The following SIRPA variants were observed in gnomAD, a reference collection of about 807,000 sequenced individuals.
SIRPA encodes the protein signal regulatory protein alpha.
In SIRPA, 9 loss-of-function variants were observed where a neutral mutation model predicts 50.3. That is an observed-to-expected ratio of 0.18 (90% CI 0.11 to 0.31). SIRPA has a LOEUF of 0.31. Ranked by LOEUF, SIRPA falls within the 10% of genes least tolerant of loss-of-function variation. SIRPA has a pLI of 1.00. For synonymous variants in SIRPA, 265 were observed against 284.1 expected, an observed-to-expected ratio of 0.93 and a Z score of 0.68; for missense variants, 474 against 661.6, an observed-to-expected ratio of 0.72 and a Z score of 3.11.
intron 1 of SIRPA, among the ~76,000 whole-genome samples, chr20:1,900,112 T>C (rs1298897376): frequency 6.6e-6 from 1 of 150,982 alleles, no homozygotes; most frequent in Non-Finnish European, 1.5e-5. Context: ...TCTTTTTTTT[T>C]TTTTTGAGAT....
chr20:1,910,254 ACT>A (rs759628969), intron 1 of SIRPA, among the ~76,000 whole-genome samples: 6 of 152,198 alleles, frequency 3.9e-5, no homozygotes, highest in Non-Finnish European at 8.8e-5. Flanking sequence ...TGCTGTGGAC[ACT>A]GAGTTCCTCT....
chr20:1,916,959 T>C (rs1336143593), intron 2 of SIRPA, among the ~76,000 whole-genome samples: 2 of 152,216 alleles, frequency 1.3e-5, no homozygotes, highest in Admixed American at 6.5e-5. Context: ...GAGGGTGGCT[T>C]TATCCTGATT....
chr20:1,900,336 G>A (rs980874775), intron 1 of SIRPA, among the ~76,000 whole-genome samples: 1 of 152,098 alleles, frequency 6.6e-6, no homozygotes, highest in Non-Finnish European at 1.5e-5. Flanking sequence ...CTGACCCCAG[G>A]TGATCCACCT....
chr20:1,903,461 C>T (rs1198413102), intron 1 of SIRPA, among the ~76,000 whole-genome samples: 1 of 152,210 alleles, frequency 6.6e-6, no homozygotes, highest in Non-Finnish European at 1.5e-5. Context: ...CCCATTGCTG[C>T]TTTCCGCAGC....
intron 6 of SIRPA, among the ~76,000 whole-genome samples, chr20:1,931,343 A>G (rs2122173100): frequency 6.6e-6 from 1 of 152,304 alleles, no homozygotes; most frequent in South Asian, 2.1e-4. Context: ...GACATTCCCG[A>G]GGTCCTGCGG....
intron 4 of SIRPA, among the ~76,000 whole-genome samples, chr20:1,923,688 C>T (rs1236337844): frequency 6.8e-6 from 1 of 146,234 alleles, no homozygotes; most frequent in Non-Finnish European, 1.5e-5. Context: ...TGGGCAATGC[C>T]AGGTTTTCAT....
chr20:1,914,986 T>C, intron 1 of SIRPA, 113 bp from the exon 2 acceptor site: 1 of 906,298 alleles, frequency 1.1e-6, no homozygotes, highest in Non-Finnish European at 1.7e-6. Flanking sequence ...TATACTGATC[T>C]CACAGCCTGC....
Position 1,927,861 on chromosome 20 carries a change from C to T in SIRPA, c.1202-14C>T, listed in dbSNP as rs764873469. On this transcript the variant is annotated splice_polypyrimidine_tract_variant and intron_variant, in intron 5 of 7. Transcript: ENST00000358771. This position sits in a 1 kb window ranked among gnomAD's most constrained non-coding sequence, Gnocchi z 6.5. ...CTAGTTAAACAACTGGCTTTTGTTT[C>T]TTTTGTCTTTCAGCCCAGGGCTCCA... is the stretch of plus-strand genomic sequence containing the variant. 2 of 1,613,744 alleles carry T rather than the reference C, an allele frequency of 1.2e-6. No individual in the cohort carries two copies. Among genetic ancestry groups the T allele is most frequent in the South Asian group, 1.1e-5 (1 of 91,074 alleles).
chr20:1,909,531 C>T (rs1157511245), intron 1 of SIRPA, among the ~76,000 whole-genome samples: 1 of 152,244 alleles, frequency 6.6e-6, no homozygotes, highest in African/African-American at 2.4e-5. Context: ...CCTGTAATCC[C>T]AGCACTTTGG....
At position 1,898,868 on chromosome 20, in the gene SIRPA, G is replaced by T. The variant is rs920571032; in HGVS notation, c.79+3342G>T. ...GTAACAACACATGAGAGGTGATGTG[G>T]CTCCTGTGAGAGCCCCCCATCTGGG... is the stretch of plus-strand genomic sequence containing the variant. On this transcript the variant is annotated intron_variant, in intron 1 of 7. Transcript: ENST00000358771. The surrounding 1 kb of genome is among the most constrained non-coding windows in gnomAD (Gnocchi z 4.3). Among the ~76,000 whole-genome samples, 5 of 152,104 alleles carry T rather than the reference G, an allele frequency of 3.3e-5. No individual in the cohort carries two copies. Among genetic ancestry groups the T allele is most frequent in the African/African-American group, 4.8e-5 (2 of 41,434 alleles).
intron 2 of SIRPA, 82 bp from the exon 3 acceptor site, chr20:1,921,313 A>G (rs561226156): frequency 7.2e-5 from 115 of 1,603,846 alleles, no homozygotes; most frequent in Non-Finnish European, 7.6e-5. Flanking sequence ...AATGTCTCAG[A>G]AGGTTCTTAA....
Position 1,921,519 on chromosome 20 carries a change from T to C in SIRPA, c.561T>C (p.Asn187=). 1 of 1,613,992 alleles carries C rather than the reference T, an allele frequency of 6.2e-7. No individual in the cohort carries two copies. The highest frequency in any genetic ancestry group is 8.5e-7 in the Non-Finnish European group (1 of 1,179,972). ...PRDITLKWFK[N]GNELSDFQTN... is the part of the protein sequence containing the mutation. ...ACATCACCCTGAAATGGTTCAAAAATGGGAATGAGCTCTCAGACTTCCAGA... is the reference window on the plus strand; with the variant it reads ...ACATCACCCTGAAATGGTTCAAAAACGGGAATGAGCTCTCAGACTTCCAGA... The change falls in exon 3 of 8, where the codon AAT becomes AAC. Residue 187 remains asparagine (N), a synonymous_variant. Coordinates refer to ENST00000358771, the MANE Select transcript of SIRPA (RefSeq NM_001040023.2).
intron 2 of SIRPA, among the ~76,000 whole-genome samples, chr20:1,920,434 G>A (rs887730369): frequency 7.9e-5 from 12 of 152,196 alleles, no homozygotes; most frequent in African/African-American, 2.4e-4. Context: ...TTGGAGACAC[G>A]TTTACGACCC....
intron 1 of SIRPA, among the ~76,000 whole-genome samples, chr20:1,911,217 T>C (rs1984868719): frequency 6.6e-6 from 1 of 152,250 alleles, no homozygotes; most frequent in South Asian, 2.1e-4. Context: ...TTTTCAATTT[T>C]TTATTTTCAT....
chr20:1,915,310 A>G lies in SIRPA; in HGVS notation c.291A>G (p.Thr97=). The G allele has an allele frequency of 6.2e-7, 1 of 1,613,556 alleles. No homozygotes were observed. Among genetic ancestry groups the G allele is most frequent in the Non-Finnish European group, 8.5e-7 (1 of 1,179,760 alleles). Residue 97 remains threonine, a synonymous_variant, in exon 2 of 8, where the codon ACA becomes ACG. Transcript: ENST00000358771. The stretch of plus-strand genomic sequence containing the variant: ...GGGTAACAACTGTTTCAGACCTCAC[A>G]AAGAGAAACAACATGGACTTTTCCA... ...FPRVTTVSDL[T]KRNNMDFSIR...
intron 5 of SIRPA, among the ~76,000 whole-genome samples, chr20:1,926,574 G>A (rs956791227): frequency 2.0e-5 from 3 of 152,322 alleles, no homozygotes; most frequent in South Asian, 2.1e-4. Flanking sequence ...TGACAGGGAC[G>A]GCTAGTATCC....
chr20:1,917,019 G>A (rs1021475297), intron 2 of SIRPA, among the ~76,000 whole-genome samples: 2 of 152,154 alleles, frequency 1.3e-5, no homozygotes, highest in Non-Finnish European at 2.9e-5. Flanking sequence ...GATGCATCTC[G>A]TGCCTAGACA....
chr20:1,895,632 G>A, intron 1 of SIRPA, 106 bp downstream of exon 1: 12 of 844,244 alleles, frequency 1.4e-5, no homozygotes, highest in Non-Finnish European at 1.8e-5. Context: ...GTAATAGGGG[G>A]AGAGACGCCT....
chr20:1,902,011 T>A (rs374385632), intron 1 of SIRPA, among the ~76,000 whole-genome samples: 2 of 152,236 alleles, frequency 1.3e-5, no homozygotes, highest in Non-Finnish European at 2.9e-5. Context: ...AGGTACACGA[T>A]GTGCTCGGCA....
Sources: gnomAD v4.1 joint callset for allele counts (sites outside exome capture counted in the v4.1 genomes callset) on GRCh38, gnomAD v4.1.1 for gene constraint, Gnocchi (gnomAD v3.1) non-coding constraint, MANE v1.5 for transcripts, NCBI Gene and HGNC (gene_info 2026-07-23, HGNC 2026-07-21) for gene names.